The following RGS22 variants were observed in gnomAD, a reference collection of about 807,000 sequenced individuals.
The protein encoded by RGS22 is regulator of G-protein signaling 22.
Under a neutral mutation model 172.9 loss-of-function variants are expected in RGS22, and 148 were observed. The observed-to-expected ratio is 0.86, with a 90% CI of 0.75 to 0.98. The LOEUF (loss-of-function observed/expected upper bound fraction) is 0.98, where lower values mean the gene tolerates loss of function less well. RGS22 is among the 50% of genes least tolerant of loss of function. RGS22 has a pLI of 0.00. For missense variants in RGS22, 1,347 were observed against 1,440.8 expected (o/e 0.93, Z 1.05); for synonymous variants, 458 against 480.2 (o/e 0.95, Z 0.60).
At chr8:100,008,660 G>A in intron 14 of RGS22, 91 bp from the exon 15 acceptor site, 1 of 963,686 alleles carries the variant, frequency 1.0e-6, no homozygotes, top group Non-Finnish European at 1.5e-6. Flanking sequence ...TAAAAACTAA[G>A]AGAAGGCAAA....
In RGS22 at chr8:100,055,705, T is replaced by C. The variant is rs553943182; in HGVS notation, c.1515-2729A>G. ...TCCTGGTAGTGAATAAGTCTTACAG[T>C]TCCCCTGCACAAGTTCTTTTGCCTG... On this transcript the variant is annotated intron_variant, in intron 9 of 27. Transcript: ENST00000360863. Among the ~76,000 whole-genome samples the C allele has an allele frequency of 2.6e-5, 4 of 152,184 alleles. No individual in the cohort carries two copies. In the East Asian group the frequency reaches 7.7e-4, roughly 29 times the overall value.
At chr8:99,965,781 A>G (rs545929208) in intron 23 of RGS22, among the ~76,000 whole-genome samples, 19 of 152,236 alleles carry the variant, frequency 1.2e-4, no homozygotes, top group African/African-American at 4.6e-4. Flanking sequence ...TTTAATCTTT[A>G]TATTTTATTA....
chr8:99,989,324 A>G lies in RGS22; in HGVS notation c.3019-1705T>C, dbSNP rs16897844. 0.01 allele frequency among the ~76,000 whole-genome samples: 1,594 copies of G among 152,330 alleles called. 56 individuals carry two copies. The East Asian group carries it at 0.11, about 10-fold the overall frequency. On this transcript the variant is annotated intron_variant, in intron 20 of 27. Transcript: ENST00000360863. ...ACGTTTATCATGCTTGTTACAAAGTAAAATAGGCCATTTCTAGCCAGGTAT... is the reference window on the plus strand; with the variant it reads ...ACGTTTATCATGCTTGTTACAAAGTGAAATAGGCCATTTCTAGCCAGGTAT...
intron 4 of RGS22, among the ~76,000 whole-genome samples, chr8:100,072,816 G>C (rs961803118): frequency 6.6e-6 from 1 of 152,144 alleles, no homozygotes; most frequent in African/African-American, 2.4e-5. Flanking sequence ...CACAGAACAC[G>C]CACTTCACTC....
At position 100,038,984 on chromosome 8, in the gene RGS22, G is replaced by A; in HGVS notation, c.2113C>T (p.Gln705Ter). ...TGAAGTGTTTCTTGGTAGAAAAGCT[G>A]ATGATAAGCCTGCAGGTCAAACCAA... ...YFWFDLQAYH[Q>*]LFYQETLQPF... The change falls in exon 14 of 28, where the codon CAG becomes TAG. Residue 705 changes from glutamine to a stop codon, truncating the protein, a stop_gained. Transcript: ENST00000360863. LOFTEE classifies it high-confidence loss of function. 2 of 1,612,988 alleles carry A rather than the reference G, an allele frequency of 1.2e-6. No homozygotes were observed. Among genetic ancestry groups the A allele is most frequent in the East Asian group, 4.5e-5 (2 of 44,850 alleles).
intron 2 of RGS22, among the ~76,000 whole-genome samples, chr8:100,096,927 G>T (rs1290172632): frequency 2.0e-5 from 3 of 152,072 alleles, no homozygotes; most frequent in African/African-American, 7.2e-5. Flanking sequence ...CATGCCATAA[G>T]GGAATTACAA....
chr8:100,035,603 A>G (rs1370954625), intron 14 of RGS22, among the ~76,000 whole-genome samples: 1 of 152,232 alleles, frequency 6.6e-6, no homozygotes, highest in Non-Finnish European at 1.5e-5. Flanking sequence ...CGATCCCATT[A>G]CTGGGTATAA....
At chr8:100,071,592 A>C (rs1383483592) in intron 5 of RGS22, 55 bp from the exon 6 acceptor site, 1 of 1,492,932 alleles carries the variant, frequency 6.7e-7, no homozygotes, top group Admixed American at 2.1e-5. Context: ...GGCAGAATTC[A>C]GGGAAAAAAC....
chr8:100,088,077 C>T (rs1381062439), intron 3 of RGS22, among the ~76,000 whole-genome samples: 1 of 151,976 alleles, frequency 6.6e-6, no homozygotes, highest in Non-Finnish European at 1.5e-5. Context: ...CATGCATTCC[C>T]CCAAAATATA....
chr8:100,024,841 T>C (rs1817999492), intron 14 of RGS22, among the ~76,000 whole-genome samples: 1 of 152,116 alleles, frequency 6.6e-6, no homozygotes, highest in South Asian at 2.1e-4. Context: ...GATACCAATC[T>C]ACCTCTTAGG....
intron 19 of RGS22, among the ~76,000 whole-genome samples, chr8:99,997,736 A>C (rs981025829): frequency 2.0e-5 from 3 of 152,208 alleles, no homozygotes; most frequent in Non-Finnish European, 4.4e-5. Context: ...ACCTAAAAAC[A>C]AGGTGTGCTA....
chr8:99,968,176 A>G (rs1302108520), intron 23 of RGS22, among the ~76,000 whole-genome samples: 2 of 152,232 alleles, frequency 1.3e-5, no homozygotes, highest in East Asian at 3.8e-4. Context: ...AACAGAAAGC[A>G]ATAACATCAC....
At chr8:100,075,514 C>A (rs925315583) in intron 4 of RGS22, among the ~76,000 whole-genome samples, 5 of 152,138 alleles carry the variant, frequency 3.3e-5, no homozygotes, top group Admixed American at 6.5e-5. Context: ...TTACAAATTA[C>A]CTGGTTTTGA....
chr8:99,972,422 G>A (rs1811460620), intron 23 of RGS22, among the ~76,000 whole-genome samples: 1 of 152,192 alleles, frequency 6.6e-6, no homozygotes, highest in African/African-American at 2.4e-5. Context: ...AAGCTAAAGA[G>A]CTTCTGCACA....
chr8:100,071,165 G>A (rs1196234039), intron 6 of RGS22, among the ~76,000 whole-genome samples: 2 of 152,104 alleles, frequency 1.3e-5, no homozygotes, highest in Non-Finnish European at 2.9e-5. Flanking sequence ...ATGCATGCCT[G>A]TAGTCCCAGC....
chr8:100,097,988 T>C (rs953837180), intron 2 of RGS22, among the ~76,000 whole-genome samples: 1 of 152,204 alleles, frequency 6.6e-6, no homozygotes, highest in Non-Finnish European at 1.5e-5. Flanking sequence ...CTACACGCTG[T>C]GGTCATAGCA....
chr8:99,965,220 G>T, intron 24 of RGS22, 115 bp downstream of exon 24: 1 of 565,836 alleles, frequency 1.8e-6, no homozygotes. Context: ...TATTATAATT[G>T]TAGGCTTATT....
chr8:100,014,802 C>G (rs757319273), intron 14 of RGS22, among the ~76,000 whole-genome samples: 1 of 152,194 alleles, frequency 6.6e-6, no homozygotes, highest in Non-Finnish European at 1.5e-5. Context: ...TGCACTCTAT[C>G]CCTTCTATGC....
At chr8:100,077,167 T>C (rs1353506000) in intron 4 of RGS22, among the ~76,000 whole-genome samples, 1 of 152,156 alleles carries the variant, frequency 6.6e-6, no homozygotes. Flanking sequence ...TCATTCTGGC[T>C]AAAAGGTTAT....
Sources: gnomAD v4.1 joint callset for allele counts (sites outside exome capture counted in the v4.1 genomes callset) on GRCh38, gnomAD v4.1.1 for gene constraint, MANE v1.5 for transcripts, NCBI Gene and HGNC (gene_info 2026-07-23, HGNC 2026-07-21) for gene names.